The following VSTM1 variants were observed in gnomAD, a reference collection of about 807,000 sequenced individuals.
VSTM1 encodes the protein V-set and transmembrane domain containing 1, also known as V-set and transmembrane domain-containing protein 1.
A neutral mutation model predicts 33.1 loss-of-function variants in VSTM1; 27 were observed. That is an observed-to-expected ratio of 0.82 (90% CI 0.60 to 1.12). The LOEUF (loss-of-function observed/expected upper bound fraction) is 1.12, where lower values mean the gene tolerates loss of function less well. Ranked by LOEUF, VSTM1 falls within the 50% of genes most tolerant of loss-of-function variation. The pLI, the probability that VSTM1 is intolerant of heterozygous loss-of-function variation, is 0.00. For synonymous variants in VSTM1, 115 were observed against 110.3 expected, an observed-to-expected ratio of 1.04 and a Z score of -0.27; for missense variants, 304 against 288.9, an observed-to-expected ratio of 1.05 and a Z score of -0.38.
intron 3 of VSTM1, 53 bp downstream of exon 3, chr19:54,058,253 C>CAAA (rs2071203051): frequency 8.3e-7 from 1 of 1,201,174 alleles, no homozygotes; most frequent in Admixed American, 2.7e-5. Flanking sequence ...AAAAAAAAAG[C>CAAA]AAAGCCAAAC....
rs1051057270 is a variant in VSTM1 at position 54,063,895 on chromosome 19, G to C, written c.-118C>G. 5.2e-5 allele frequency: 59 copies of C among 1,138,530 alleles called. No homozygotes were observed. The African/African-American group carries it at 9.5e-4, about 18-fold the overall frequency. The allele number at this position is 1,138,530 out of a possible 1,614,324, so 70.5% of individuals were successfully genotyped here. Reference sequence around the variant, plus strand: ...GGTTCGTCCCCAGGATGTGCAGATAGAGGAGGTTTTGCTCTGACACTCTGG... The same window carrying C: ...GGTTCGTCCCCAGGATGTGCAGATACAGGAGGTTTTGCTCTGACACTCTGG... On this transcript the variant is annotated 5_prime_UTR_variant, in exon 1 of 9. Coordinates refer to ENST00000338372, the MANE Select transcript of VSTM1 (RefSeq NM_198481.4).
intron 3 of VSTM1, among the ~76,000 whole-genome samples, chr19:54,057,162 G>A (rs1007141442): frequency 1.0e-4 from 14 of 139,378 alleles, no homozygotes; most frequent in African/African-American, 3.7e-4. Context: ...TGCCTGGCCT[G>A]CATCTATCTT....
chr19:54,048,321 G>A, intron 4 of VSTM1: 1 of 371,012 alleles, frequency 2.7e-6, no homozygotes, highest in Non-Finnish European at 5.4e-6. Flanking sequence ...TTACCAAGTT[G>A]TCCAGGCTGG....
rs530146101 is a variant in VSTM1 at position 54,052,393 on chromosome 19, G to C, written c.356-945C>G. On this transcript the variant is annotated intron_variant, in intron 3 of 8. Transcript: ENST00000338372. ...AGCCTGAGGGACAGAGCCAGACTCCGTCTCAAAAAAAAAATAAAAATAAAA... is the reference window on the plus strand; with the variant it reads ...AGCCTGAGGGACAGAGCCAGACTCCCTCTCAAAAAAAAAATAAAAATAAAA... 7.4e-5 allele frequency among the ~76,000 whole-genome samples: 10 copies of C among 135,468 alleles called. 1 individual carries two copies. Among genetic ancestry groups the C allele is most frequent in the Non-Finnish European group, 3.2e-5 (2 of 63,188 alleles). 88.9% of individuals were successfully genotyped at this position (135,468 alleles called of 152,430 possible).
At chr19:54,061,042 G>T (rs2071372522) in intron 1 of VSTM1, among the ~76,000 whole-genome samples, 1 of 124,586 alleles carries the variant, frequency 8.0e-6, no homozygotes, top group East Asian at 2.3e-4. Flanking sequence ...TTTTGACATG[G>T]AGTCTCCCTC....
At chr19:54,042,820 A>ATACG (rs1568451144) in intron 4 of VSTM1, among the ~76,000 whole-genome samples, 4 of 79,960 alleles carry the variant, frequency 5.0e-5, no homozygotes, top group Non-Finnish European at 9.7e-5. Context: ...ATATATATAT[A>ATACG]TATATATATA....
chr19:54,047,890 T>A (rs1285928705), intron 4 of VSTM1, among the ~76,000 whole-genome samples: 1 of 152,152 alleles, frequency 6.6e-6, no homozygotes, highest in Non-Finnish European at 1.5e-5. Flanking sequence ...ATTGCCAGAA[T>A]AAATCATAAC....
chr19:54,062,584 C>T (rs2071445849), intron 1 of VSTM1, among the ~76,000 whole-genome samples: 1 of 151,468 alleles, frequency 6.6e-6, no homozygotes, highest in Non-Finnish European at 1.5e-5. Context: ...ATTAGCCAGG[C>T]GTGGTGGCGT....
In VSTM1 at chr19:54,058,536, T is replaced by G. The variant is rs766273448; in HGVS notation, c.125A>C (p.Glu42Ala). The change falls in exon 3 of 9, where the codon GAG becomes GCG. Residue 42 changes from glutamate (E) to alanine (A), a missense_variant. Glu to Ala is a moderately radical substitution (Grantham distance 107). Transcript: ENST00000338372. The stretch of plus-strand genomic sequence containing the variant: ...CTGACACTTCAGGGTCACATTGCTC[T>G]CGGCTTCAACCACCGAGCTGGGCCA... ...HAWPSSVVEA[E>A]SNVTLKCQAH... The G allele has an allele frequency of 4.3e-6, 7 of 1,613,912 alleles. No individual in the cohort carries two copies. The Admixed American group carries it at 6.7e-5, about 15-fold the overall frequency.
At chr19:54,053,125 A>G (rs2070936464) in intron 3 of VSTM1, among the ~76,000 whole-genome samples, 1 of 141,250 alleles carries the variant, frequency 7.1e-6, no homozygotes, top group Admixed American at 7.3e-5. Flanking sequence ...ACAAGATCCT[A>G]GATGCTCTAG....
rs768224003 is a variant in VSTM1 at position 54,042,385 on chromosome 19, C to T, written c.395-16G>A. The T allele has an allele frequency of 1.6e-5, 25 of 1,611,190 alleles. No homozygotes were observed. The South Asian group carries it at 2.1e-4, about 13-fold the overall frequency. On this transcript the variant is annotated splice_polypyrimidine_tract_variant and intron_variant, in intron 4 of 8. Transcript: ENST00000338372. ...GTTCTGGTGTCTGGAGGGGGAAGAG[C>T]AGGTCAGGGAATCAGCCTGGCTCCT...
chr19:54,050,291 G>C (rs1471578224), intron 4 of VSTM1, among the ~76,000 whole-genome samples: 1 of 151,808 alleles, frequency 6.6e-6, no homozygotes, highest in Non-Finnish European at 1.5e-5. Context: ...GAGCCACCTC[G>C]CCTGGCCCAA....
intron 3 of VSTM1, among the ~76,000 whole-genome samples, chr19:54,057,833 G>A (rs1341996925): frequency 2.0e-5 from 3 of 150,246 alleles, no homozygotes; most frequent in Admixed American, 6.7e-5. Context: ...GGCTGGGTGT[G>A]GAGGTTCACG....
intron 4 of VSTM1, 81 bp downstream of exon 4, chr19:54,051,329 A>C (rs2070832041): frequency 1.7e-6 from 2 of 1,162,886 alleles, no homozygotes; most frequent in South Asian, 2.9e-5. Flanking sequence ...AAATAAATAA[A>C]GTTCTCCTTG....
intron 1 of VSTM1, among the ~76,000 whole-genome samples, chr19:54,059,153 C>A (rs1300990557): frequency 1.4e-4 from 21 of 150,632 alleles, no homozygotes; most frequent in Admixed American, 1.3e-3. Context: ...CTCCGCCTCC[C>A]AGGTTCAAGC....
In VSTM1 at chr19:54,042,817, T is replaced by TAC. The variant is rs1555752423; in HGVS notation, c.395-449_395-448insGT. 2.1e-4 allele frequency among the ~76,000 whole-genome samples: 11 copies of TAC among 51,926 alleles called. No homozygotes were observed. In the Admixed American group the frequency reaches 2.2e-3, roughly 10 times the overall value. 34.1% of individuals were successfully genotyped at this position (51,926 alleles called of 152,430 possible). On this transcript the variant is annotated intron_variant, in intron 4 of 8. Coordinates refer to ENST00000338372, the MANE Select transcript of VSTM1 (RefSeq NM_198481.4). Reference sequence around the variant, plus strand: ...GTATATATAAATGTGTATATATATATATATATATATATATATATATACATA... The same window carrying TAC: ...GTATATATAAATGTGTATATATATATACATATATATATATATATATATACATA...
chr19:54,051,303 A>G lies in VSTM1; in HGVS notation c.394+107T>C, dbSNP rs1357544874. 12 of 1,055,208 alleles carry G rather than the reference A, an allele frequency of 1.1e-5. No homozygotes were observed. The Middle Eastern group carries it at 1.0e-3, about 88-fold the overall frequency. The allele number at this position is 1,055,208 out of a possible 1,614,324, so 65.4% of individuals were successfully genotyped here. On this transcript the variant is annotated intron_variant, in intron 4 of 8. Transcript: ENST00000338372. ...CGAGACTCTATCTCAAAAAACAAAC[A>G]AACAAACAAACAAACAAATAAATAA... is the stretch of plus-strand genomic sequence containing the variant.
chr19:54,051,569 C>T, intron 3 of VSTM1, 121 bp from the exon 4 acceptor site: 5 of 698,258 alleles, frequency 7.2e-6, no homozygotes, highest in Non-Finnish European at 1.2e-5. Flanking sequence ...AAGAGAATGG[C>T]TTCTCCATTC....
At chr19:54,054,634 AATGGATGGATGG>A (rs35280887) in intron 3 of VSTM1, among the ~76,000 whole-genome samples, 2 of 135,248 alleles carry the variant, frequency 1.5e-5, no homozygotes, top group Non-Finnish European at 3.2e-5. Flanking sequence ...TGAATGGATG[AATGGATGGATGG>A]ATGGATGGAT....
Sources: allele counts gnomAD v4.1 joint callset (sites outside exome capture counted in the v4.1 genomes callset), GRCh38; gene constraint gnomAD v4.1.1; transcripts MANE v1.5; gene names NCBI Gene and HGNC (gene_info 2026-07-23, HGNC 2026-07-21).